RAB43: variants seen among roughly 807,000 people sequenced by gnomAD.
RAB43 encodes ras-related protein Rab-43.
RAB43 carries 6 observed loss-of-function variants against 18.8 expected under a neutral mutation model. That is an observed-to-expected ratio of 0.32 (90% CI 0.17 to 0.63). The LOEUF (loss-of-function observed/expected upper bound fraction) is 0.63. Among genes scored for constraint, RAB43 ranks in the 30% least tolerant of loss-of-function variants. RAB43 has a pLI of 0.79. For synonymous variants in RAB43, 103 were observed against 124.1 expected, an observed-to-expected ratio of 0.83 and a Z score of 1.13; for missense variants, 195 against 289.1, an observed-to-expected ratio of 0.67 and a Z score of 2.36.
chr3:129,097,472 T>G lies in RAB43; in HGVS notation c.205-2303A>C, dbSNP rs556432988. ...AAGTGTGAGGGTTTAATAAAGGCAC[T>G]CCCAGACATACAGTCCTCGAAAAAT... On this transcript the variant is annotated intron_variant, in intron 1 of 2. Coordinates refer to ENST00000315150, the MANE Select transcript of RAB43 (RefSeq NM_198490.3). Among the ~76,000 whole-genome samples, 7 of 152,282 alleles carry G rather than the reference T, an allele frequency of 4.6e-5. No individual in the cohort carries two copies. In the East Asian group the frequency reaches 1.2e-3, roughly 25 times the overall value.
intron 1 of RAB43, among the ~76,000 whole-genome samples, chr3:129,108,712 T>C (rs1440848061): frequency 6.6e-6 from 1 of 152,218 alleles, no homozygotes; most frequent in African/African-American, 2.4e-5. Context: ...CTATTTCAAC[T>C]GGTCTGGTGC....
chr3:129,115,369 C>T (rs570812515), intron 1 of RAB43, among the ~76,000 whole-genome samples: 108 of 151,464 alleles, frequency 7.1e-4, no homozygotes, highest in Non-Finnish European at 1.4e-3. Flanking sequence ...CCAGGCACAG[C>T]GGTGCATGCC....
At position 129,121,267 on chromosome 3, in the gene RAB43, G is replaced by T. The variant is rs752357872; in HGVS notation, c.204+19C>A. ...CCCTCCGAGGGAGCGCCTTCCAGGG[G>T]CCCTGGCCGGCCTCCCACCTTGACC... On this transcript the variant is annotated intron_variant, in intron 1 of 2. Coordinates refer to ENST00000315150, the MANE Select transcript of RAB43 (RefSeq NM_198490.3). 5 of 1,584,294 alleles carry T rather than the reference G, an allele frequency of 3.2e-6. No individual in the cohort carries two copies. The highest frequency in any genetic ancestry group is 1.1e-5 in the South Asian group (1 of 87,488).
At chr3:129,102,894 T>G (rs1934518212) in intron 1 of RAB43, among the ~76,000 whole-genome samples, 1 of 152,160 alleles carries the variant, frequency 6.6e-6, no homozygotes, top group South Asian at 2.1e-4. Context: ...ACGTTACTTT[T>G]GAAACAGGCA....
rs925773652 is a variant in RAB43, at chr3:129,095,449, C to A, written c.205-280G>T. On this transcript the variant is annotated intron_variant, in intron 1 of 2. Coordinates refer to ENST00000315150, the MANE Select transcript of RAB43 (RefSeq NM_198490.3). This position sits in a 1 kb window ranked among gnomAD's most constrained non-coding sequence, Gnocchi z 4.2. ...GGTCCTCCGCGTGCCCCTCCGTGTGCCCCTCTCCCCTCAGGACTGGGCCCA... is the reference window on the plus strand; with the variant it reads ...GGTCCTCCGCGTGCCCCTCCGTGTGACCCTCTCCCCTCAGGACTGGGCCCA... 1.3e-5 allele frequency among the ~76,000 whole-genome samples: 2 copies of A among 152,228 alleles called. No homozygotes were observed. The highest frequency in any genetic ancestry group is 1.3e-4 in the Admixed American group (2 of 15,290).
At chr3:129,104,506 G>A (rs915344662) in intron 1 of RAB43, among the ~76,000 whole-genome samples, 8 of 152,188 alleles carry the variant, frequency 5.3e-5, no homozygotes, top group African/African-American at 1.7e-4. Flanking sequence ...GGAGGAAAAG[G>A]GCTCCCAGAG....
rs1935928926 is a variant in RAB43 at position 129,121,483 on chromosome 3, C to G, written c.7G>C (p.Gly3Arg). The G allele has an allele frequency of 6.2e-7, 1 of 1,609,698 alleles. No homozygotes were observed. The highest frequency in any genetic ancestry group is 8.5e-7 in the Non-Finnish European group (1 of 1,178,402). Residue 3 changes from glycine (G) to arginine (R), a missense_variant, in exon 1 of 3, where the codon GGG becomes CGG. Transcript: ENST00000315150. ...GGGTCCCCCGGGCCTGGGCCCGGCC[C>G]TGCCATGGCCTAGAAGAAGCCGAAG... MAGPGPGPGDPDE... is the reference protein window; with the variant it reads MARPGPGPGDPDE...
In RAB43 at chr3:129,095,282, C is replaced by G. The variant is rs1172504565; in HGVS notation, c.205-113G>C. 2.9e-6 allele frequency: 4 copies of G among 1,400,824 alleles called. No homozygotes were observed. Among genetic ancestry groups the G allele is most frequent in the Non-Finnish European group, 3.8e-6 (4 of 1,051,998 alleles). The allele number at this position is 1,400,824 out of a possible 1,614,324, so 86.8% of individuals were successfully genotyped here. A position where few individuals can be genotyped will look rare whatever the true frequency, so the allele number is the denominator to read the frequency against. On this transcript the variant is annotated intron_variant, in intron 1 of 2. Coordinates refer to ENST00000315150, the MANE Select transcript of RAB43 (RefSeq NM_198490.3). This position sits in a 1 kb window ranked among gnomAD's most constrained non-coding sequence, Gnocchi z 4.2. ...CTGTGGTTCCACTGGGCTAGGAGGC[C>G]TTCTGAGTCCTTAGAAAGCAACTCA... is the stretch of plus-strand genomic sequence containing the variant.
rs754583631 is a variant in RAB43, at chr3:129,095,133, G to C, written c.241C>G (p.Arg81Gly). ...CGGTAGTAGCTCTGGGTGATGGTGCGGAACCGCTCCTGGCCGGCCGTGTCC... is the reference window on the plus strand; with the variant it reads ...CGGTAGTAGCTCTGGGTGATGGTGCCGAACCGCTCCTGGCCGGCCGTGTCC... Reference protein sequence around the residue: ...IWDTAGQERFRTITQSYYRSA... With the variant: ...IWDTAGQERFGTITQSYYRSA... The change falls in exon 2 of 3, where the codon CGC becomes GGC. Residue 81 changes from arginine (R) to glycine (G), a missense_variant. Arg to Gly is a moderately radical substitution (Grantham distance 125). Coordinates refer to ENST00000315150, the MANE Select transcript of RAB43 (RefSeq NM_198490.3). This position sits in a 1 kb window ranked among gnomAD's most constrained non-coding sequence, Gnocchi z 4.2. 6.2e-7 allele frequency: 1 copy of C among 1,613,392 alleles called. No individual in the cohort carries two copies. Among genetic ancestry groups the C allele is most frequent in the Non-Finnish European group, 8.5e-7 (1 of 1,179,680 alleles).
At chr3:129,102,297 G>A (rs925883704) in intron 1 of RAB43, among the ~76,000 whole-genome samples, 11 of 152,090 alleles carry the variant, frequency 7.2e-5, no homozygotes, top group African/African-American at 2.7e-4. Flanking sequence ...TGTTTTCCAC[G>A]GGAAGCCTGG....
At chr3:129,114,558 C>A (rs1045809684) in intron 1 of RAB43, among the ~76,000 whole-genome samples, 4 of 152,178 alleles carry the variant, frequency 2.6e-5, no homozygotes, top group African/African-American at 9.7e-5. Context: ...AGAGTTGCTC[C>A]TCTTATTACT....
rs200896936 is a variant in RAB43 at position 129,094,505 on chromosome 3, CTTTTTTTTTTTTTTT to C, written c.388+466_388+480del. 1.3e-4 allele frequency among the ~76,000 whole-genome samples: 9 copies of C among 69,150 alleles called. No homozygotes were observed. In the East Asian group the frequency reaches 2.7e-3, roughly 21 times the overall value. 45.4% of individuals were successfully genotyped at this position (69,150 alleles called of 152,430 possible). ...TAATTCCAATTTTGAATATAACTTT[CTTTTTTTTTTTTTTT>C]TTTTTTTTTTTTTGAGACGAATCTT... On this transcript the variant is annotated intron_variant, in intron 2 of 2. Transcript: ENST00000315150.
chr3:129,119,726 A>AC (rs1206257384), intron 1 of RAB43, among the ~76,000 whole-genome samples: 1 of 152,156 alleles, frequency 6.6e-6, no homozygotes, highest in Non-Finnish European at 1.5e-5. Flanking sequence ...GCATTGCATA[A>AC]CCCGTGCGCA....
chr3:129,101,379 C>T (rs192295696), intron 1 of RAB43, among the ~76,000 whole-genome samples: 5 of 152,340 alleles, frequency 3.3e-5, no homozygotes, highest in Admixed American at 3.3e-4. Flanking sequence ...CTTGTCCCAG[C>T]CTCTGCTCTG....
chr3:129,104,807 C>T (rs916849736), intron 1 of RAB43, among the ~76,000 whole-genome samples: 4 of 152,236 alleles, frequency 2.6e-5, no homozygotes, highest in Admixed American at 1.3e-4. Context: ...GTGCTGTTCT[C>T]GCCGTTATCT....
chr3:129,097,987 G>C (rs1242314246), intron 1 of RAB43, among the ~76,000 whole-genome samples: 1 of 152,102 alleles, frequency 6.6e-6, no homozygotes, highest in African/African-American at 2.4e-5. Context: ...TCAGGGTCTG[G>C]AGCAGATGAT....
chr3:129,098,056 G>A (rs1934170314), intron 1 of RAB43, among the ~76,000 whole-genome samples: 1 of 152,184 alleles, frequency 6.6e-6, no homozygotes, highest in South Asian at 2.1e-4. Flanking sequence ...AGGTGTCCCA[G>A]TGAGCTCTTG....
chr3:129,092,353 G>A (rs558306321), intron 2 of RAB43: 2 of 480,170 alleles, frequency 4.2e-6, no homozygotes, highest in Non-Finnish European at 7.4e-6. Context: ...ATGGTTTGAT[G>A]TGAATTTGTC....
intron 1 of RAB43, among the ~76,000 whole-genome samples, chr3:129,099,218 AG>A (rs1576823843): frequency 6.6e-6 from 1 of 150,790 alleles, no homozygotes; most frequent in East Asian, 2.0e-4. Flanking sequence ...CAGTCTCCCA[AG>A]CAGCTGGGAC....
Sources: allele counts gnomAD v4.1 joint callset (sites outside exome capture counted in the v4.1 genomes callset), GRCh38; gene constraint gnomAD v4.1.1; non-coding constraint Gnocchi (gnomAD v3.1); transcripts MANE v1.5; gene names NCBI Gene and HGNC (gene_info 2026-07-23, HGNC 2026-07-21).